Variants in EYS observed in about 807,000 individuals in gnomAD.
The protein encoded by EYS is protein eyes shut homolog.
EYS carries 250 observed loss-of-function variants against 282.1 expected under a neutral mutation model. The observed-to-expected ratio is 0.89, with a 90% CI of 0.80 to 0.98. EYS has a LOEUF of 0.98. Ranked by LOEUF, EYS falls within the 50% of genes least tolerant of loss-of-function variation. The pLI is 0.00. For synonymous variants in EYS, 1,355 were observed against 1,282.9 expected (o/e 1.06, Z -1.20); for missense variants, 4,016 against 3,709.0 (o/e 1.08, Z -2.15).
At chr6:63,910,299 T>C (rs1240348004) in intron 35 of EYS, among the ~76,000 whole-genome samples, 2 of 152,144 alleles carry the variant, frequency 1.3e-5, no homozygotes, top group Admixed American at 6.6e-5. Flanking sequence ...AAAGCATCCC[T>C]CACTGAAGGG....
At chr6:65,329,124 G>T (rs537483394) in intron 11 of EYS, 1 of 154,556 alleles carries the variant, frequency 6.5e-6, no homozygotes, top group Admixed American at 6.6e-5. Context: ...TTTGAGATAT[G>T]AAATTGAAGT....
intron 29 of EYS, among the ~76,000 whole-genome samples, chr6:64,321,008 C>A (rs1035414659): frequency 2.0e-5 from 3 of 151,630 alleles, no homozygotes; most frequent in Non-Finnish European, 3.0e-5. Flanking sequence ...TACCCTGATT[C>A]CCTACTCAAA....
chr6:64,989,486 T>A (rs763026105), intron 14 of EYS, among the ~76,000 whole-genome samples: 43 of 125,518 alleles, frequency 3.4e-4, no homozygotes, highest in African/African-American at 1.0e-3. Flanking sequence ...TATATATATA[T>A]AAGAATATAT....
Position 64,208,107 on chromosome 6 carries a change from A to AC in EYS, c.6424+22484dup, listed in dbSNP as rs544667510. Among the ~76,000 whole-genome samples the AC allele has an allele frequency of 2.6e-4, 39 of 152,224 alleles. 1 individual carries two copies. In the South Asian group the frequency reaches 7.7e-3, roughly 30 times the overall value. On this transcript the variant is annotated intron_variant, in intron 31 of 42. Transcript: ENST00000503581. ...CCCATTATTAAAATAATTTATTCTC[A>AC]CCTAGCTTATCTTGTGATGTGAAGG...
At chr6:64,043,804 G>T (rs1190859445) in intron 33 of EYS, among the ~76,000 whole-genome samples, 1 of 152,184 alleles carries the variant, frequency 6.6e-6, no homozygotes, top group African/African-American at 2.4e-5. Context: ...GTAACTTCCT[G>T]GGTAAGAAGC....
At chr6:63,837,115 C>G (rs1771829160) in intron 36 of EYS, among the ~76,000 whole-genome samples, 1 of 151,982 alleles carries the variant, frequency 6.6e-6, no homozygotes, top group Non-Finnish European at 1.5e-5. Flanking sequence ...CATATTGACA[C>G]TGATTTGAAT....
chr6:64,625,333 T>A (rs987534425), intron 23 of EYS, among the ~76,000 whole-genome samples: 1 of 152,196 alleles, frequency 6.6e-6, no homozygotes, highest in Non-Finnish European at 1.5e-5. Flanking sequence ...TCTTAATCCA[T>A]TCAAGACTGC....
chr6:64,354,342 A>C (rs1029619296), intron 29 of EYS, among the ~76,000 whole-genome samples: 1 of 151,666 alleles, frequency 6.6e-6, no homozygotes, highest in Non-Finnish European at 1.5e-5. Flanking sequence ...CACAAGCGCC[A>C]TCACCACTAT....
intron 5 of EYS, among the ~76,000 whole-genome samples, chr6:65,448,707 T>C (rs1562190640): frequency 6.6e-6 from 1 of 152,030 alleles, no homozygotes; most frequent in African/African-American, 2.4e-5. Flanking sequence ...AAGAGTAAGT[T>C]TTTGACTTCT....
At chr6:64,946,312 T>C (rs1273826522) in intron 14 of EYS, among the ~76,000 whole-genome samples, 1 of 151,986 alleles carries the variant, frequency 6.6e-6, no homozygotes, top group East Asian at 1.9e-4. Flanking sequence ...AATACAAGTA[T>C]AAATAAGGAA....
intron 12 of EYS, among the ~76,000 whole-genome samples, chr6:65,140,964 C>T (rs1031990062): frequency 6.6e-6 from 1 of 151,264 alleles, no homozygotes; most frequent in East Asian, 1.9e-4. Context: ...ACTAGAAATA[C>T]CATTTGACCC....
At chr6:64,745,804 G>C (rs2149964952) in intron 22 of EYS, among the ~76,000 whole-genome samples, 1 of 152,204 alleles carries the variant, frequency 6.6e-6, no homozygotes, top group East Asian at 1.9e-4. Flanking sequence ...TGTTTATCTG[G>C]AATAAAATTT....
chr6:65,290,959 C>T (rs1431322854), intron 12 of EYS, among the ~76,000 whole-genome samples: 1 of 151,288 alleles, frequency 6.6e-6, no homozygotes, highest in African/African-American at 2.4e-5. Context: ...TGTTTACTCT[C>T]ACCATTAATA....
At chr6:65,501,795 T>A (rs1052351910) in intron 2 of EYS, among the ~76,000 whole-genome samples, 1 of 151,756 alleles carries the variant, frequency 6.6e-6, no homozygotes, top group African/African-American at 2.4e-5. Flanking sequence ...TGAAACACTT[T>A]AAGCTTGCCT....
At chr6:65,486,481 A>G (rs1765788144) in intron 5 of EYS, among the ~76,000 whole-genome samples, 1 of 152,194 alleles carries the variant, frequency 6.6e-6, no homozygotes, top group Non-Finnish European at 1.5e-5. Context: ...AAATTTAAGT[A>G]CCAAAGAAAT....
intron 2 of EYS, among the ~76,000 whole-genome samples, chr6:65,629,559 G>A (rs1198528022): frequency 6.6e-6 from 1 of 152,162 alleles, no homozygotes; most frequent in Non-Finnish European, 1.5e-5. Context: ...AAATCAGCAT[G>A]AGAATGCAGT....
chr6:64,024,636 G>T (rs866420546), intron 33 of EYS, among the ~76,000 whole-genome samples: 2 of 152,038 alleles, frequency 1.3e-5, no homozygotes, highest in Admixed American at 6.6e-5. Flanking sequence ...TTTATGAGCT[G>T]TAACACTCAC....
intron 39 of EYS, among the ~76,000 whole-genome samples, chr6:63,785,467 A>G (rs1002613562): frequency 3.9e-5 from 6 of 152,192 alleles, no homozygotes; most frequent in Non-Finnish European, 5.9e-5. Flanking sequence ...TAGCAGATGC[A>G]ACTTTGGAAA....
At chr6:64,689,054 T>C (rs1402777005) in intron 22 of EYS, among the ~76,000 whole-genome samples, 1 of 152,150 alleles carries the variant, frequency 6.6e-6, no homozygotes, top group Non-Finnish European at 1.5e-5. Flanking sequence ...GATGACATGA[T>C]TGTATATTTA....
Sources: gnomAD v4.1 joint callset for allele counts (sites outside exome capture counted in the v4.1 genomes callset) on GRCh38, gnomAD v4.1.1 for gene constraint, MANE v1.5 for transcripts, NCBI Gene and HGNC (gene_info 2026-07-23, HGNC 2026-07-21) for gene names.